The following PCDHGA6 variants were observed in gnomAD, a reference collection of about 807,000 sequenced individuals.
The protein encoded by PCDHGA6 is protocadherin gamma-A6.
In PCDHGA6, 41 loss-of-function variants were observed where a neutral mutation model predicts 60.6. The ratio of observed to expected loss-of-function variants is 0.68; its 90% CI spans 0.53 to 0.88. The LOEUF (loss-of-function observed/expected upper bound fraction) is 0.88, where lower values mean the gene tolerates loss of function less well. Among genes scored for constraint, PCDHGA6 ranks in the 40% least tolerant of loss-of-function variants. PCDHGA6 has a pLI of 0.00. For synonymous variants in PCDHGA6, 594 were observed against 524.4 expected (o/e 1.13, Z -1.81); for missense variants, 1,312 against 1,203.0 (o/e 1.09, Z -1.34).
chr5:141,478,385 T>C (rs919846683), intron 1 of PCDHGA6: 1 of 1,613,628 alleles, frequency 6.2e-7, no homozygotes, highest in Non-Finnish European at 8.5e-7. Context: ...GCCGCACCTT[T>C]ACCATCAGGT....
At chr5:141,414,557 A>G (rs749209012) in intron 1 of PCDHGA6, 21 of 1,613,786 alleles carry the variant, frequency 1.3e-5, no homozygotes, top group Non-Finnish European at 1.8e-5. Context: ...CAAGTCTCCT[A>G]CTTTACCTAT....
rs2099756055 is a variant in PCDHGA6, at chr5:141,494,679, C to T, written c.2425-128C>T. The T allele has an allele frequency of 3.9e-6, 6 of 1,556,494 alleles. No homozygotes were observed. In the South Asian group the frequency reaches 4.7e-5, roughly 12 times the overall value. ...GTCTTTGGAGATGAGTCCACCCCTG[C>T]CCCCTCTTAGTCCGTTTTCTTCTCT... is the stretch of plus-strand genomic sequence containing the variant. On this transcript the variant is annotated intron_variant, in intron 1 of 3. Coordinates refer to ENST00000517434, the MANE Select transcript of PCDHGA6 (RefSeq NM_018919.3).
Position 141,376,412 on chromosome 5 carries a change from G to C in PCDHGA6, c.2329G>C (p.Asp777His). Residue 777 changes from aspartate (D) to histidine (H), a missense_variant, in exon 1 of 4, where the codon GAC becomes CAC. Coordinates refer to ENST00000517434, the MANE Select transcript of PCDHGA6 (RefSeq NM_018919.3). ...HLIFPQPNYA[D>H]TLINQESYEK... is the part of the protein sequence containing the mutation. ...GATTTTCCCCCAGCCCAACTATGCC[G>C]ACACGCTTATCAACCAGGAGAGCTA... 6.2e-7 allele frequency: 1 copy of C among 1,614,166 alleles called. No individual in the cohort carries two copies. Among genetic ancestry groups the C allele is most frequent in the East Asian group, 2.2e-5 (1 of 44,878 alleles).
chr5:141,454,272 A>G (rs1226625529), intron 1 of PCDHGA6, among the ~76,000 whole-genome samples: 1 of 152,200 alleles, frequency 6.6e-6, no homozygotes, highest in Non-Finnish European at 1.5e-5. Context: ...ATGCCAGCAA[A>G]AACTTCACAT....
At chr5:141,450,055 G>A (rs1325291695) in intron 1 of PCDHGA6, among the ~76,000 whole-genome samples, 2 of 137,594 alleles carry the variant, frequency 1.5e-5, no homozygotes, top group Non-Finnish European at 3.0e-5. Flanking sequence ...CGCCCAGGCT[G>A]GAATGCAGTG....
Position 141,485,738 on chromosome 5 carries a change from A to G in PCDHGA6, c.2425-9069A>G, listed in dbSNP as rs1443978038. Reference sequence around the variant, plus strand: ...GGATGTGAAGAAGCGCAGCGACGGCAGCCTGGTCCCAGAGCTGCTCCTGGA... The same window carrying G: ...GGATGTGAAGAAGCGCAGCGACGGCGGCCTGGTCCCAGAGCTGCTCCTGGA... On this transcript the variant is annotated intron_variant, in intron 1 of 3. Transcript: ENST00000517434. This position sits in a 1 kb window ranked among gnomAD's most constrained non-coding sequence, Gnocchi z 5.7. 1 of 1,614,230 alleles carries G rather than the reference A, an allele frequency of 6.2e-7. No individual in the cohort carries two copies.
intron 1 of PCDHGA6, chr5:141,441,728 G>T: frequency 2.8e-6 from 1 of 361,966 alleles, no homozygotes. Flanking sequence ...CCCGCGACCA[G>T]GACTAGCTCG....
intron 1 of PCDHGA6, chr5:141,403,068 C>G (rs1178674622): frequency 6.2e-7 from 1 of 1,614,064 alleles, no homozygotes; most frequent in Admixed American, 1.7e-5. Context: ...CCTGAAGAGA[C>G]AGAAAAGGGC....
In PCDHGA6 at chr5:141,476,348, G is replaced by T. The variant is rs764669470; in HGVS notation, c.2425-18459G>T. On this transcript the variant is annotated intron_variant, in intron 1 of 3. Transcript: ENST00000517434. This position sits in a 1 kb window ranked among gnomAD's most constrained non-coding sequence, Gnocchi z 7.6. ...GTCTGGAGCTAGCCGAAGATTCTTTGAGGTGAACCGGGAGACCGGAGAGAT... is the reference window on the plus strand; with the variant it reads ...GTCTGGAGCTAGCCGAAGATTCTTTTAGGTGAACCGGGAGACCGGAGAGAT... 1 of 1,614,190 alleles carries T rather than the reference G, an allele frequency of 6.2e-7. No individual in the cohort carries two copies. The highest frequency in any genetic ancestry group is 8.5e-7 in the Non-Finnish European group (1 of 1,180,032).
chr5:141,392,614 C>T (rs1000219739), intron 1 of PCDHGA6: 3 of 532,708 alleles, frequency 5.6e-6, no homozygotes, highest in African/African-American at 1.9e-5. Flanking sequence ...ACAAATGCAA[C>T]CGAAAACACT....
chr5:141,428,037 C>G lies in PCDHGA6; in HGVS notation c.2424+51530C>G, dbSNP rs762273592. 3.7e-6 allele frequency: 6 copies of G among 1,608,340 alleles called. No homozygotes were observed. In the African/African-American group the frequency reaches 8.0e-5, roughly 21 times the overall value. ...GCCACGCGCCGCAGAGTCCGGCTACCTGGTGACCAAGGTGGTGGCGGTGGA... is the reference window on the plus strand; with the variant it reads ...GCCACGCGCCGCAGAGTCCGGCTACGTGGTGACCAAGGTGGTGGCGGTGGA... On this transcript the variant is annotated intron_variant, in intron 1 of 3. Coordinates refer to ENST00000517434, the MANE Select transcript of PCDHGA6 (RefSeq NM_018919.3).
At chr5:141,494,768 C>T (rs758949982) in intron 1 of PCDHGA6, 39 bp from the exon 2 acceptor site, 1 of 1,614,060 alleles carries the variant, frequency 6.2e-7, no homozygotes, top group South Asian at 1.1e-5. Flanking sequence ...TCTAACTTCT[C>T]ACGGGTACTC....
intron 1 of PCDHGA6, chr5:141,394,616 C>T (rs2093043198): frequency 1.2e-6 from 2 of 1,613,490 alleles, no homozygotes; most frequent in East Asian, 2.2e-5. Flanking sequence ...CGGGCCAGAA[C>T]GCCTGGCTGT....
At position 141,490,276 on chromosome 5, in the gene PCDHGA6, A is replaced by T; in HGVS notation, c.2425-4531A>T. 1 of 1,614,236 alleles carries T rather than the reference A, an allele frequency of 6.2e-7. No individual in the cohort carries two copies. Among genetic ancestry groups the T allele is most frequent in the Non-Finnish European group, 8.5e-7 (1 of 1,180,036 alleles). On this transcript the variant is annotated intron_variant, in intron 1 of 3. Transcript: ENST00000517434. This position sits in a 1 kb window ranked among gnomAD's most constrained non-coding sequence, Gnocchi z 5.4. ...AGTGGATGTGGGGGATGTCAATGACAATGCCCCAGAGGTGCTATTGGCCTC... is the reference window on the plus strand; with the variant it reads ...AGTGGATGTGGGGGATGTCAATGACTATGCCCCAGAGGTGCTATTGGCCTC...
At chr5:141,389,715 G>A (rs1210776013) in intron 1 of PCDHGA6, 4 of 1,612,586 alleles carry the variant, frequency 2.5e-6, no homozygotes, top group Middle Eastern at 1.7e-4. Context: ...GCAGGCTAGC[G>A]AGCCCGGGCT....
chr5:141,395,518 C>T (rs1046650715), intron 1 of PCDHGA6: 2 of 412,004 alleles, frequency 4.9e-6, no homozygotes, highest in Admixed American at 4.2e-5. Context: ...AGCTACCCGT[C>T]CATACTGGTA....
intron 1 of PCDHGA6, among the ~76,000 whole-genome samples, chr5:141,406,468 T>C (rs2094813433): frequency 6.6e-6 from 1 of 152,230 alleles, no homozygotes; most frequent in Admixed American, 6.5e-5. Flanking sequence ...AACACCTCTT[T>C]GAGGTTATAT....
At chr5:141,405,385 A>G in intron 1 of PCDHGA6, 1 of 1,600,058 alleles carries the variant, frequency 6.2e-7, no homozygotes, top group Non-Finnish European at 8.5e-7. Flanking sequence ...CGGTGAGTTC[A>G]TTTTTTTTCT....
intron 1 of PCDHGA6, chr5:141,402,830 G>A: frequency 7.4e-7 from 1 of 1,346,490 alleles, no homozygotes; most frequent in Non-Finnish European, 9.8e-7. Flanking sequence ...CTCCCAGGCT[G>A]CAGCAAAACT....
Sources: gnomAD v4.1 joint callset for allele counts (sites outside exome capture counted in the v4.1 genomes callset) on GRCh38, gnomAD v4.1.1 for gene constraint, Gnocchi (gnomAD v3.1) non-coding constraint, MANE v1.5 for transcripts, NCBI Gene and HGNC (gene_info 2026-07-23, HGNC 2026-07-21) for gene names.